Variants in MED13 observed in about 807,000 individuals in gnomAD.
The protein encoded by MED13 is mediator complex subunit 13, also known as mediator of RNA polymerase II transcription subunit 13.
MED13 carries 23 observed loss-of-function variants against 225.2 expected under a neutral mutation model. That is an observed-to-expected ratio of 0.10 (90% confidence interval 0.07 to 0.14). The LOEUF (loss-of-function observed/expected upper bound fraction) is 0.14. Ranked by LOEUF, MED13 falls within the 10% of genes least tolerant of loss-of-function variation. The pLI is 1.00. For synonymous variants in MED13, 942 were observed against 889.2 expected (o/e 1.06, Z -1.06); for missense variants, 2,197 against 2,594.5 (o/e 0.85, Z 3.33).
At chr17:62,019,136 G>A (rs964544875) in intron 8 of MED13, among the ~76,000 whole-genome samples, 3 of 152,156 alleles carry the variant, frequency 2.0e-5, no homozygotes, top group Non-Finnish European at 4.4e-5. Flanking sequence ...GCTACATGAG[G>A]CTGGATTTTC....
chr17:62,056,936 T>C (rs1310660881), intron 2 of MED13, among the ~76,000 whole-genome samples: 1 of 152,150 alleles, frequency 6.6e-6, no homozygotes, highest in Non-Finnish European at 1.5e-5. Context: ...CTAAATTTGA[T>C]TACCATATTT....
At chr17:61,957,908 A>G (rs1462006922) in intron 23 of MED13, among the ~76,000 whole-genome samples, 1 of 152,146 alleles carries the variant, frequency 6.6e-6, no homozygotes, top group African/African-American at 2.4e-5. Context: ...TCTGTCACTC[A>G]GGCTGGAGTG....
rs947242545 is a variant in MED13, at chr17:61,980,633, CTCTTA to C, written c.3805+1560_3805+1564del. 4.1e-4 allele frequency among the ~76,000 whole-genome samples: 62 copies of C among 152,274 alleles called. 1 individual carries two copies. The highest frequency in any genetic ancestry group is 1.4e-3 in the African/African-American group (59 of 41,550). On this transcript the variant is annotated intron_variant, in intron 16 of 29. Coordinates refer to ENST00000397786, the MANE Select transcript of MED13 (RefSeq NM_005121.3). ...AACCTATTACTTACATCTCGCTGGC[CTCTTA>C]TCTTGTCTAAGCTACCATCATCTTT... is the stretch of plus-strand genomic sequence containing the variant.
Position 62,065,252 on chromosome 17 carries a change from A to T in MED13, c.-47T>A. 7.9e-7 allele frequency: 1 copy of T among 1,271,088 alleles called. No homozygotes were observed. Among genetic ancestry groups the T allele is most frequent in the Non-Finnish European group, 1.1e-6 (1 of 952,026 alleles). 78.7% of individuals were successfully genotyped at this position (1,271,088 alleles called of 1,614,324 possible). A position where few individuals can be genotyped will look rare whatever the true frequency, so the allele number is the denominator to read the frequency against. The stretch of plus-strand genomic sequence containing the variant: ...CCGGCGCCACAACCCACCATCCGCC[A>T]TTACCGCCGCCTCCGACCAGAGAGA... On this transcript the variant is annotated 5_prime_UTR_variant, in exon 1 of 30. An upstream start codon of the reference 5' UTR is lost. Coordinates refer to ENST00000397786, the MANE Select transcript of MED13 (RefSeq NM_005121.3).
At position 61,995,371 on chromosome 17, in the gene MED13, T is replaced by A. The variant is rs541634792; in HGVS notation, c.1968-6A>T. The A allele has an allele frequency of 6.4e-7, 1 of 1,553,082 alleles. No homozygotes were observed. The highest frequency in any genetic ancestry group is 2.3e-5 in the East Asian group (1 of 44,108). ...TCTTACATTGCACCATTAACCTGCATAAAAAAATTAAAAAAAATTAATTAT... is the reference window on the plus strand; with the variant it reads ...TCTTACATTGCACCATTAACCTGCAAAAAAAAATTAAAAAAAATTAATTAT... On this transcript the variant is annotated splice_region_variant and splice_polypyrimidine_tract_variant and intron_variant, in intron 9 of 29. Coordinates refer to ENST00000397786, the MANE Select transcript of MED13 (RefSeq NM_005121.3).
intron 23 of MED13, among the ~76,000 whole-genome samples, chr17:61,958,015 C>A (rs1351874346): frequency 6.6e-6 from 1 of 151,750 alleles, no homozygotes; most frequent in Non-Finnish European, 1.5e-5. Context: ...CAGGCGCCCG[C>A]CACTACGCCC....
At position 62,011,048 on chromosome 17, in the gene MED13, G is replaced by T. The variant is rs776812945; in HGVS notation, c.1469C>A (p.Ala490Glu). Residue 490 changes from alanine (A) to glutamate (E), a missense_variant, in exon 9 of 30, where the codon GCA becomes GAA. By Grantham distance (107) the Ala-to-Glu change is moderately radical. This residue lies in a region of MED13 where 884 missense variants were observed against 918.5 expected (regional missense o/e 0.96). Coordinates refer to ENST00000397786, the MANE Select transcript of MED13 (RefSeq NM_005121.3). Reference sequence around the variant, plus strand: ...CACAAGTCTTTGGCTGGCTGAATCTGCGTCCATGCCAACATCATCACTAAC... The same window carrying T: ...CACAAGTCTTTGGCTGGCTGAATCTTCGTCCATGCCAACATCATCACTAAC... ...VSVSDDVGMD[A>E]DSASQRLVIS... 1 of 1,614,184 alleles carries T rather than the reference G, an allele frequency of 6.2e-7. No homozygotes were observed. Among genetic ancestry groups the T allele is most frequent in the East Asian group, 2.2e-5 (1 of 44,884 alleles).
chr17:61,978,394 G>C (rs1229592505), intron 16 of MED13, among the ~76,000 whole-genome samples: 1 of 152,092 alleles, frequency 6.6e-6, no homozygotes, highest in Non-Finnish European at 1.5e-5. Flanking sequence ...TGGGATTATA[G>C]GCATGCGCCA....
intron 11 of MED13, among the ~76,000 whole-genome samples, chr17:61,992,084 T>C (rs530845334): frequency 2.6e-5 from 4 of 152,250 alleles, no homozygotes; most frequent in African/African-American, 9.6e-5. Context: ...GATGAAACAC[T>C]CTACTGTCAA....
At chr17:62,018,480 G>A (rs2080604504) in intron 8 of MED13, among the ~76,000 whole-genome samples, 1 of 152,122 alleles carries the variant, frequency 6.6e-6, no homozygotes, top group Admixed American at 6.5e-5. Flanking sequence ...TGAGGTGGGT[G>A]GATTACTTGA....
intron 8 of MED13, among the ~76,000 whole-genome samples, chr17:62,020,685 CTTTTTTTTT>C (rs78598460): frequency 9.9e-6 from 1 of 100,792 alleles, no homozygotes; most frequent in Non-Finnish European, 2.2e-5. Context: ...GGCCTGCTTT[CTTTTTTTTT>C]TTTTTTTTTT....
chr17:61,979,477 T>C (rs2080185134), intron 16 of MED13, among the ~76,000 whole-genome samples: 1 of 152,064 alleles, frequency 6.6e-6, no homozygotes, highest in South Asian at 2.1e-4. Flanking sequence ...ACCCAGCTAA[T>C]TTTTGTATTT....
intron 28 of MED13, 63 bp downstream of exon 28, chr17:61,950,762 T>TA (rs2143287665): frequency 6.6e-7 from 1 of 1,504,700 alleles, no homozygotes. Context: ...GCCACTTCTA[T>TA]ATTTCTCAGG....
At position 62,011,346 on chromosome 17, in the gene MED13, C is replaced by A. The variant is rs9910165; in HGVS notation, c.1284-113G>T. The A allele has an allele frequency of 5.3e-3, 4,738 of 889,578 alleles. 156 individuals are homozygous for A. The African/African-American group carries it at 0.072, about 13-fold the overall frequency. 55.1% of individuals were successfully genotyped at this position (889,578 alleles called of 1,614,324 possible). ...TATCATTTCTTTTTCACATGTAATACTAAAAGTAAAATAATTTGAATTTGA... is the reference window on the plus strand; with the variant it reads ...TATCATTTCTTTTTCACATGTAATAATAAAAGTAAAATAATTTGAATTTGA... On this transcript the variant is annotated intron_variant, in intron 8 of 29. Transcript: ENST00000397786.
rs1796516134 is a variant in MED13, at chr17:61,961,788, T to A, written c.5065-9A>T. 6.2e-7 allele frequency: 1 copy of A among 1,605,272 alleles called. No individual in the cohort carries two copies. The highest frequency in any genetic ancestry group is 8.5e-7 in the Non-Finnish European group (1 of 1,174,584). On this transcript the variant is annotated splice_polypyrimidine_tract_variant and intron_variant, in intron 21 of 29. Transcript: ENST00000397786. ...TACTGACAAGGAATAATCTAAGAAG[T>A]ATAGGCAAATATTACAAATGTTAAA...
chr17:61,953,149 T>C (rs1184662005), intron 26 of MED13, 36 bp from the exon 27 acceptor site: 2 of 1,592,092 alleles, frequency 1.3e-6, no homozygotes, highest in Non-Finnish European at 8.5e-7. Flanking sequence ...TAAAACTCCA[T>C]TTTCCATATC....
chr17:61,988,426 A>G (rs2080266784), intron 11 of MED13, among the ~76,000 whole-genome samples: 2 of 152,362 alleles, frequency 1.3e-5, no homozygotes, highest in South Asian at 2.1e-4. Flanking sequence ...TTCTCTGTTA[A>G]CTGACTTGAG....
intron 9 of MED13, among the ~76,000 whole-genome samples, chr17:62,001,112 T>C (rs1317589898): frequency 6.6e-6 from 1 of 152,104 alleles, no homozygotes; most frequent in Non-Finnish European, 1.5e-5. Context: ...AACGCTACTT[T>C]AAAAAAATCA....
At chr17:62,036,648 T>C (rs2080806216) in intron 3 of MED13, among the ~76,000 whole-genome samples, 1 of 152,148 alleles carries the variant, frequency 6.6e-6, no homozygotes, top group Admixed American at 6.5e-5. Context: ...AATTAAATTA[T>C]AGTAAAAGTA....
Sources: gnomAD v4.1 joint callset for allele counts (sites outside exome capture counted in the v4.1 genomes callset) on GRCh38, gnomAD v4.1.1 for gene constraint, gnomAD v4.1.1 regional missense constraint, MANE v1.5 for transcripts, NCBI Gene and HGNC (gene_info 2026-07-23, HGNC 2026-07-21) for gene names.